The following FCHSD2 variants were observed in gnomAD, a reference collection of about 807,000 sequenced individuals.
FCHSD2 encodes FCH and double SH3 domains 2.
FCHSD2 carries 38 observed loss-of-function variants against 108.1 expected under a neutral mutation model. The ratio of observed to expected loss-of-function variants is 0.35; its 90% CI spans 0.27 to 0.46. FCHSD2 has a LOEUF of 0.46. FCHSD2 is among the 20% of genes least tolerant of loss of function. FCHSD2 has a pLI of 1.00. For synonymous variants in FCHSD2, 279 were observed against 314.7 expected (o/e 0.89, Z 1.20); for missense variants, 751 against 897.8 (o/e 0.84, Z 2.09).
chr11:72,915,904 G>A (rs1272379047), intron 9 of FCHSD2, among the ~76,000 whole-genome samples: 1 of 152,122 alleles, frequency 6.6e-6, no homozygotes, highest in Non-Finnish European at 1.5e-5. Context: ...GAATGAGATC[G>A]TGTCCTTTGC....
At chr11:72,907,555 T>A (rs914062911) in intron 9 of FCHSD2, among the ~76,000 whole-genome samples, 1 of 152,046 alleles carries the variant, frequency 6.6e-6, no homozygotes, top group African/African-American at 2.4e-5. Context: ...GGCTGCTAAA[T>A]TTTGTTGAAG....
intron 3 of FCHSD2, among the ~76,000 whole-genome samples, chr11:73,041,921 A>T (rs1023385766): frequency 2.6e-5 from 4 of 151,630 alleles, no homozygotes; most frequent in African/African-American, 9.7e-5. Flanking sequence ...CCACTTTGAG[A>T]TTATTATTAT....
intron 5 of FCHSD2, among the ~76,000 whole-genome samples, chr11:72,999,445 G>A (rs113561444): frequency 3.6e-4 from 53 of 148,962 alleles, no homozygotes; most frequent in Middle Eastern, 3.5e-3. Context: ...TCAGCCTCCC[G>A]AGTAGCTGGA....
At chr11:72,903,178 G>T (rs1373244288) in intron 9 of FCHSD2, among the ~76,000 whole-genome samples, 2 of 150,388 alleles carry the variant, frequency 1.3e-5, no homozygotes, top group African/African-American at 4.9e-5. Flanking sequence ...AGACAGGCTA[G>T]AAAGGAATTT....
intron 8 of FCHSD2, among the ~76,000 whole-genome samples, chr11:72,969,077 C>A (rs1856964582): frequency 6.6e-6 from 1 of 151,998 alleles, no homozygotes; most frequent in Non-Finnish European, 1.5e-5. Context: ...AAATAGTATA[C>A]CTGGGGTATC....
At chr11:72,911,519 A>G (rs1855763754) in intron 9 of FCHSD2, among the ~76,000 whole-genome samples, 2 of 152,158 alleles carry the variant, frequency 1.3e-5, no homozygotes, top group Non-Finnish European at 2.9e-5. Flanking sequence ...TATCTCTGTG[A>G]AGAATGGCAC....
chr11:72,899,158 A>G (rs1020032113), intron 10 of FCHSD2, among the ~76,000 whole-genome samples: 39 of 152,236 alleles, frequency 2.6e-4, no homozygotes, highest in African/African-American at 9.2e-4. Flanking sequence ...CATTAGAAAA[A>G]TGTCTAGCAC....
chr11:72,902,493 C>A (rs1346232702), intron 10 of FCHSD2, 50 bp downstream of exon 10: 2 of 1,289,562 alleles, frequency 1.6e-6, no homozygotes, highest in East Asian at 5.0e-5. Flanking sequence ...GTTACTTAAG[C>A]ACAAACACAA....
At chr11:72,851,442 TA>T (rs1298223736) in intron 13 of FCHSD2, among the ~76,000 whole-genome samples, 1 of 151,944 alleles carries the variant, frequency 6.6e-6, no homozygotes, top group Non-Finnish European at 1.5e-5. Context: ...TAACACTCAT[TA>T]AAAATAAAGG....
At chr11:73,071,642 A>G (rs1859439520) in intron 3 of FCHSD2, among the ~76,000 whole-genome samples, 1 of 152,108 alleles carries the variant, frequency 6.6e-6, no homozygotes, top group Admixed American at 6.6e-5. Flanking sequence ...CAGAGGCTGC[A>G]GTGAGCCGAG....
intron 5 of FCHSD2, among the ~76,000 whole-genome samples, chr11:72,998,992 G>T (rs752181432): frequency 6.6e-6 from 1 of 152,198 alleles, no homozygotes; most frequent in Non-Finnish European, 1.5e-5. Flanking sequence ...CATGTGGAGA[G>T]AGTTGTTAGT....
chr11:72,966,101 C>T (rs1457136720), intron 8 of FCHSD2, among the ~76,000 whole-genome samples: 2 of 151,196 alleles, frequency 1.3e-5, no homozygotes, highest in Non-Finnish European at 2.9e-5. Flanking sequence ...TAACTACCAG[C>T]GTGATGGATA....
At position 72,914,592 on chromosome 11, in the gene FCHSD2, A is replaced by G. The variant is rs186712321; in HGVS notation, c.828+7236T>C. The stretch of plus-strand genomic sequence containing the variant: ...CCCAGAAATAAGACCGCACACCTAA[A>G]ACCACCTGATCTTCAACAAACCTGA... On this transcript the variant is annotated intron_variant, in intron 9 of 19. Coordinates refer to ENST00000409418, the MANE Select transcript of FCHSD2 (RefSeq NM_014824.3). Among the ~76,000 whole-genome samples the G allele has an allele frequency of 2.6e-4, 40 of 152,266 alleles. No individual in the cohort carries two copies. The East Asian group carries it at 7.5e-3, about 29-fold the overall frequency.
At chr11:72,925,313 A>G (rs1398547771) in intron 8 of FCHSD2, among the ~76,000 whole-genome samples, 2 of 152,228 alleles carry the variant, frequency 1.3e-5, no homozygotes, top group African/African-American at 4.8e-5. Flanking sequence ...TAATTTTGAT[A>G]GAAGTATATT....
intron 3 of FCHSD2, among the ~76,000 whole-genome samples, chr11:73,082,623 A>G (rs569770576): frequency 6.6e-6 from 1 of 152,248 alleles, no homozygotes; most frequent in Non-Finnish European, 1.5e-5. Context: ...CCAATCTCTC[A>G]TTATTTATAA....
At chr11:73,053,661 G>C (rs1254680063) in intron 3 of FCHSD2, among the ~76,000 whole-genome samples, 1 of 152,112 alleles carries the variant, frequency 6.6e-6, no homozygotes. Flanking sequence ...TATTAAAATT[G>C]TTAAATATCC....
In FCHSD2 at chr11:72,959,836, T is replaced by C. The variant is rs576929292; in HGVS notation, c.705+24252A>G. 1.5e-4 allele frequency among the ~76,000 whole-genome samples: 22 copies of C among 147,978 alleles called. No individual in the cohort carries two copies. The South Asian group carries it at 3.5e-3, about 24-fold the overall frequency. ...GGTAGAACTATACTTCAAATTTCCC[T>C]GATTTTAAGTTTCTAGGGTGTGTGT... On this transcript the variant is annotated intron_variant, in intron 8 of 19. Coordinates refer to ENST00000409418, the MANE Select transcript of FCHSD2 (RefSeq NM_014824.3).
At chr11:72,951,105 T>G (rs2135356992) in intron 8 of FCHSD2, among the ~76,000 whole-genome samples, 1 of 152,332 alleles carries the variant, frequency 6.6e-6, no homozygotes, top group Admixed American at 6.5e-5. Flanking sequence ...TCTGAATAAC[T>G]TCATGAGGCA....
At chr11:72,956,935 G>C (rs1301876791) in intron 8 of FCHSD2, among the ~76,000 whole-genome samples, 1 of 151,834 alleles carries the variant, frequency 6.6e-6, no homozygotes, top group Admixed American at 6.6e-5. Flanking sequence ...GTGATACATA[G>C]AGAAGACACA....
Sources: gnomAD v4.1 joint callset for allele counts (sites outside exome capture counted in the v4.1 genomes callset) on GRCh38, gnomAD v4.1.1 for gene constraint, MANE v1.5 for transcripts, NCBI Gene and HGNC (gene_info 2026-07-23, HGNC 2026-07-21) for gene names.